TMTC1: variants seen among roughly 807,000 people sequenced by gnomAD.
TMTC1 encodes protein O-mannosyl-transferase TMTC1.
In TMTC1, 73 loss-of-function variants were observed where a neutral mutation model predicts 104.8. The ratio of observed to expected loss-of-function variants is 0.70; its 90% CI spans 0.58 to 0.85. TMTC1 has a LOEUF of 0.85. Ranked by LOEUF, TMTC1 falls within the 40% of genes least tolerant of loss-of-function variation. The pLI, the probability that TMTC1 is intolerant of heterozygous loss-of-function variation, is 0.00. For missense variants in TMTC1, 1,035 were observed against 1,096.1 expected, an observed-to-expected ratio of 0.94 and a Z score of 0.79; for synonymous variants, 434 against 428.7, an observed-to-expected ratio of 1.01 and a Z score of -0.15.
chr12:29,593,177 ATC>A (rs1200388471), intron 7 of TMTC1, among the ~76,000 whole-genome samples: 5 of 152,174 alleles, frequency 3.3e-5, no homozygotes, highest in Non-Finnish European at 7.3e-5. Context: ...GCACAGGACA[ATC>A]TCTCATGGAG....
At chr12:29,708,942 A>G (rs1025045345) in intron 5 of TMTC1, among the ~76,000 whole-genome samples, 13 of 152,224 alleles carry the variant, frequency 8.5e-5, no homozygotes, top group African/African-American at 3.1e-4. Flanking sequence ...TCCTAAACAT[A>G]GGAGTATAAG....
chr12:29,578,632 C>T (rs752980610), intron 8 of TMTC1, among the ~76,000 whole-genome samples: 6 of 152,308 alleles, frequency 3.9e-5, no homozygotes, highest in Non-Finnish European at 5.9e-5. Context: ...ATCTCCCTCA[C>T]ACCTTTTATT....
At position 29,650,448 on chromosome 12, in the gene TMTC1, C is replaced by A. The variant is rs183952281; in HGVS notation, c.939-17112G>T. 7.6e-4 allele frequency among the ~76,000 whole-genome samples: 116 copies of A among 152,148 alleles called. 2 individuals are homozygous for A. Among genetic ancestry groups the A allele is most frequent in the Non-Finnish European group, 8.8e-5 (6 of 67,998 alleles). On this transcript the variant is annotated intron_variant, in intron 5 of 17. Transcript: ENST00000539277. ...ACCTCTCTTCCTGAGGTGAGACACC[C>A]GGGCCTCAGGTCATCCCAGCCACCT...
chr12:29,723,377 C>T (rs1272812572), intron 5 of TMTC1, among the ~76,000 whole-genome samples: 1 of 152,014 alleles, frequency 6.6e-6, no homozygotes, highest in East Asian at 1.9e-4. Context: ...TGTTTTAAGG[C>T]TACAATAATT....
At chr12:29,622,035 T>A (rs1303407561) in intron 6 of TMTC1, among the ~76,000 whole-genome samples, 2 of 152,088 alleles carry the variant, frequency 1.3e-5, no homozygotes, top group Admixed American at 6.5e-5. Context: ...ACTAAAAATT[T>A]AAAAAACAAA....
intron 6 of TMTC1, chr12:29,613,941 T>C (rs551859866): frequency 3.1e-6 from 3 of 982,516 alleles, no homozygotes; most frequent in South Asian, 9.4e-5. Context: ...CCACTTGGAA[T>C]TGTCATACAG....
intron 6 of TMTC1, among the ~76,000 whole-genome samples, chr12:29,616,898 G>A (rs562326571): frequency 7.9e-5 from 12 of 152,096 alleles, no homozygotes; most frequent in East Asian, 5.8e-4. Context: ...TCATGGGTGG[G>A]GTGGATGCAA....
intron 5 of TMTC1, among the ~76,000 whole-genome samples, chr12:29,643,346 T>A (rs1245549861): frequency 7.3e-6 from 1 of 137,496 alleles, no homozygotes; most frequent in Non-Finnish European, 1.6e-5. Flanking sequence ...TGCACATGCA[T>A]GTTTATAGCA....
At chr12:29,715,043 A>C (rs1006934366) in intron 5 of TMTC1, among the ~76,000 whole-genome samples, 1 of 152,202 alleles carries the variant, frequency 6.6e-6, no homozygotes, top group Non-Finnish European at 1.5e-5. Context: ...CTGAATGATA[A>C]ATTCTCTCAG....
intron 5 of TMTC1, among the ~76,000 whole-genome samples, chr12:29,747,021 G>A (rs1411198339): frequency 6.6e-6 from 1 of 152,172 alleles, no homozygotes; most frequent in Non-Finnish European, 1.5e-5. Flanking sequence ...AAGGGTAGCA[G>A]AGGAAAGAGG....
chr12:29,714,443 A>AT (rs1171455685), intron 5 of TMTC1, among the ~76,000 whole-genome samples: 2 of 152,144 alleles, frequency 1.3e-5, no homozygotes, highest in Non-Finnish European at 2.9e-5. Context: ...TGAAAATGGA[A>AT]TTTTTTTAAA....
intron 7 of TMTC1, among the ~76,000 whole-genome samples, chr12:29,585,126 G>A (rs1263692023): frequency 2.3e-4 from 33 of 145,636 alleles, no homozygotes; most frequent in South Asian, 4.4e-4. Flanking sequence ...TTTAATGATC[G>A]CCATTCTAAC....
intron 5 of TMTC1, among the ~76,000 whole-genome samples, chr12:29,682,563 T>C (rs965735418): frequency 1.3e-5 from 2 of 152,190 alleles, no homozygotes; most frequent in African/African-American, 2.4e-5. Context: ...TAACACTTCA[T>C]AGCAATACAA....
At position 29,715,123 on chromosome 12, in the gene TMTC1, G is replaced by C. The variant is rs570939783; in HGVS notation, c.938+36543C>G. On this transcript the variant is annotated intron_variant, in intron 5 of 17. Coordinates refer to ENST00000539277, the MANE Select transcript of TMTC1 (RefSeq NM_001193451.2). ...CAAAAGAAAATGACTACATATACTG[G>C]AGAAAAATCATTTTGCAAGTGAGAT... Among the ~76,000 whole-genome samples the C allele has an allele frequency of 2.6e-5, 4 of 152,256 alleles. No homozygotes were observed. In the South Asian group the frequency reaches 6.2e-4, roughly 24 times the overall value.
At chr12:29,763,978 T>C (rs1288285188) in intron 2 of TMTC1, among the ~76,000 whole-genome samples, 1 of 152,216 alleles carries the variant, frequency 6.6e-6, no homozygotes, top group Non-Finnish European at 1.5e-5. Context: ...CAGTTGATTT[T>C]ATGACAATGT....
intron 6 of TMTC1, among the ~76,000 whole-genome samples, chr12:29,615,430 G>C (rs922981756): frequency 1.3e-5 from 2 of 152,156 alleles, no homozygotes; most frequent in African/African-American, 4.8e-5. Context: ...ATCATGTTAA[G>C]CAGGTGAAGA....
intron 1 of TMTC1, among the ~76,000 whole-genome samples, chr12:29,768,695 C>T (rs139000877): frequency 1.5e-3 from 222 of 152,326 alleles, no homozygotes; most frequent in Admixed American, 3.8e-3. Context: ...GCAAAAGCAT[C>T]ATGTTCCACA....
intron 6 of TMTC1, among the ~76,000 whole-genome samples, chr12:29,629,359 GCCT>G (rs1002349471): frequency 2.0e-5 from 3 of 151,506 alleles, no homozygotes; most frequent in Admixed American, 1.3e-4. Context: ...ACCTGGAAGT[GCCT>G]CCACCCTTCA....
rs555421767 is a variant in TMTC1, at chr12:29,631,050, T to G, written c.1128+2097A>C. ...TTCATGTATTTATTAATTAAAAACT[T>G]TGCATATCTTCTTCTGTGCAGGGTC... On this transcript the variant is annotated intron_variant, in intron 6 of 17. Coordinates refer to ENST00000539277, the MANE Select transcript of TMTC1 (RefSeq NM_001193451.2). Among the ~76,000 whole-genome samples, 11 of 152,318 alleles carry G rather than the reference T, an allele frequency of 7.2e-5. No homozygotes were observed. The East Asian group carries it at 9.6e-4, about 13-fold the overall frequency.
Sources: gnomAD v4.1 joint callset for allele counts (sites outside exome capture counted in the v4.1 genomes callset) on GRCh38, gnomAD v4.1.1 for gene constraint, MANE v1.5 for transcripts, NCBI Gene and HGNC (gene_info 2026-07-23, HGNC 2026-07-21) for gene names.